The following MARCHF1 variants were observed in gnomAD, a reference collection of about 807,000 sequenced individuals.
The protein encoded by MARCHF1 is membrane associated ring-CH-type finger 1.
Under a neutral mutation model 54.2 loss-of-function variants are expected in MARCHF1, and 40 were observed. The ratio of observed to expected loss-of-function variants is 0.74; its 90% CI spans 0.57 to 0.96. The LOEUF is 0.96. Ranked by LOEUF, MARCHF1 falls within the 40% of genes least tolerant of loss-of-function variation. The probability of loss-of-function intolerance (pLI) is 0.00; values close to 1 mark genes in which losing one functional copy is unlikely to be tolerated. For synonymous variants in MARCHF1, 236 were observed against 236.3 expected (o/e 1.00, Z 0.01); for missense variants, 586 against 656.5 (o/e 0.89, Z 1.17).
rs552657399 is a variant in MARCHF1, at chr4:164,201,460, C to T, written c.-322-89798G>A. On this transcript the variant is annotated intron_variant, in intron 1 of 9. Transcript: ENST00000514618. ...TGGTCTCCATCTCTTGACCTCGTGA[C>T]CCGCCCGCCTGGGACTCCCAAAGTG... Among the ~76,000 whole-genome samples, 3 of 152,184 alleles carry T rather than the reference C, an allele frequency of 2.0e-5. No individual in the cohort carries two copies. The South Asian group carries it at 6.2e-4, about 32-fold the overall frequency.
intron 8 of MARCHF1, among the ~76,000 whole-genome samples, chr4:163,573,439 T>A (rs1424833631): frequency 1.3e-5 from 2 of 149,686 alleles, no homozygotes; most frequent in South Asian, 2.2e-4. Context: ...ATTAGGTATA[T>A]CTCCCAGTGC....
Position 163,585,811 on chromosome 4 carries a change from G to C in MARCHF1, c.1129C>G (p.Arg377Gly). Reference sequence around the variant, plus strand: ...TCATACTTGCAGAGCTCACAGCAGCGTGTATCTGAGCTCTTTATCCACTGG... The same window carrying C: ...TCATACTTGCAGAGCTCACAGCAGCCTGTATCTGAGCTCTTTATCCACTGG... ...LHQWIKSSDT[R>G]CCELCKYDFI... The change falls in exon 8 of 10, where the codon CGC (arginine) becomes GGC (glycine). Residue 377 changes from arginine (R) to glycine (G), a missense_variant. Transcript: ENST00000514618. The C allele has an allele frequency of 6.2e-7, 1 of 1,613,948 alleles. No homozygotes were observed. The highest frequency in any genetic ancestry group is 8.5e-7 in the Non-Finnish European group (1 of 1,179,908).
intron 8 of MARCHF1, among the ~76,000 whole-genome samples, chr4:163,563,751 A>G (rs1739551097): frequency 6.6e-6 from 1 of 152,194 alleles, no homozygotes. Flanking sequence ...GTATGTAACA[A>G]TGCACATACC....
chr4:164,383,840 A>T (rs1196141831), intron 1 of MARCHF1, 30 bp downstream of exon 1: 2 of 152,438 alleles, frequency 1.3e-5, no homozygotes, highest in Non-Finnish European at 2.9e-5. Context: ...AGTGAGGCTG[A>T]TTGAATGAAT....
chr4:163,613,445 T>C (rs1338954337), intron 5 of MARCHF1, 52 bp from the exon 6 acceptor site: 1 of 1,612,708 alleles, frequency 6.2e-7, no homozygotes, highest in African/African-American at 1.3e-5. Flanking sequence ...AATACATGGT[T>C]GATATCTTGC....
intron 3 of MARCHF1, among the ~76,000 whole-genome samples, chr4:163,926,877 G>A (rs1193651388): frequency 6.6e-6 from 1 of 150,852 alleles, no homozygotes; most frequent in East Asian, 1.9e-4. Flanking sequence ...TATTAATTCA[G>A]AGAGTGCTAG....
At chr4:163,568,473 T>C (rs1259111875) in intron 8 of MARCHF1, among the ~76,000 whole-genome samples, 1 of 152,154 alleles carries the variant, frequency 6.6e-6, no homozygotes, top group East Asian at 1.9e-4. Flanking sequence ...ACTGAAGATG[T>C]AGGCTATGTG....
At position 163,612,665 on chromosome 4, in the gene MARCHF1, C is replaced by A. The variant is rs746938866; in HGVS notation, c.616G>T (p.Gly206Ter). The A allele has an allele frequency of 1.1e-5, 17 of 1,535,396 alleles. No homozygotes were observed. In the South Asian group the frequency reaches 2.0e-4, roughly 18 times the overall value. ...ENLAGSSTPN[G>*]IELVDLGSKG... ...GATCCCAGATCAACGAGCTCAATTC[C>A]GTTAGGAGTGGAAGACCCAGCTAAG... The change falls in exon 7 of 10, where the codon GGA becomes TGA. Residue 206 changes from glycine to a stop codon, truncating the protein, a stop_gained. Coordinates refer to ENST00000514618, the MANE Select transcript of MARCHF1 (RefSeq NM_001394959.1). LOFTEE classifies it high-confidence loss of function.
intron 1 of MARCHF1, among the ~76,000 whole-genome samples, chr4:164,227,941 G>A (rs181986584): frequency 6.6e-6 from 1 of 152,096 alleles, no homozygotes; most frequent in East Asian, 1.9e-4. Context: ...TCCCTTTATT[G>A]CTTCCCAGAA....
intron 5 of MARCHF1, among the ~76,000 whole-genome samples, chr4:163,637,383 C>T (rs1162444069): frequency 1.3e-5 from 2 of 151,912 alleles, no homozygotes; most frequent in Admixed American, 1.3e-4. Context: ...CTACAATGAA[C>T]TCAAACAAAT....
intron 5 of MARCHF1, among the ~76,000 whole-genome samples, chr4:163,663,721 T>C (rs529808102): frequency 6.6e-6 from 1 of 152,244 alleles, no homozygotes; most frequent in South Asian, 2.1e-4. Flanking sequence ...ATCTCTTCTA[T>C]GTCTGAAACT....
chr4:163,916,593 A>C (rs778007622), intron 3 of MARCHF1, among the ~76,000 whole-genome samples: 1 of 152,132 alleles, frequency 6.6e-6, no homozygotes, highest in South Asian at 2.1e-4. Context: ...CTAGGCTCTG[A>C]GAAACACACC....
chr4:164,281,804 G>T, intron 1 of MARCHF1, among the ~76,000 whole-genome samples: 1 of 152,186 alleles, frequency 6.6e-6, no homozygotes, highest in East Asian at 1.9e-4. Flanking sequence ...CTACCATTCA[G>T]GCTGCACATC....
At chr4:164,110,072 T>G (rs1171667053) in intron 2 of MARCHF1, among the ~76,000 whole-genome samples, 1 of 151,308 alleles carries the variant, frequency 6.6e-6, no homozygotes, top group African/African-American at 2.4e-5. Context: ...ATTTTTAAGT[T>G]TTAATGTTGT....
chr4:163,647,167 G>A (rs544700959), intron 5 of MARCHF1, among the ~76,000 whole-genome samples: 1 of 152,058 alleles, frequency 6.6e-6, no homozygotes, highest in South Asian at 2.1e-4. Context: ...GACAAAGAAG[G>A]TCACTATATA....
At chr4:163,593,354 A>T (rs1297277156) in intron 7 of MARCHF1, among the ~76,000 whole-genome samples, 1 of 152,244 alleles carries the variant, frequency 6.6e-6, no homozygotes, top group Non-Finnish European at 1.5e-5. Flanking sequence ...TTAGCTGCAT[A>T]CATTGAAGTA....
intron 2 of MARCHF1, among the ~76,000 whole-genome samples, chr4:164,063,182 T>C (rs1207670613): frequency 2.6e-5 from 4 of 152,212 alleles, no homozygotes; most frequent in African/African-American, 4.8e-5. Flanking sequence ...AAATAAGCAT[T>C]GGCTTCAATT....
intron 1 of MARCHF1, among the ~76,000 whole-genome samples, chr4:164,202,693 G>A (rs574439576): frequency 1.8e-3 from 277 of 152,238 alleles, no homozygotes; most frequent in African/African-American, 4.6e-3. Flanking sequence ...ACGCCTTGCT[G>A]CTTTATAATT....
chr4:163,529,548 G>T (rs1269287126), intron 9 of MARCHF1, among the ~76,000 whole-genome samples: 1 of 152,012 alleles, frequency 6.6e-6, no homozygotes, highest in African/African-American at 2.4e-5. Context: ...GGGAGATGGG[G>T]AGGAGTAAGA....
Sources: allele counts gnomAD v4.1 joint callset (sites outside exome capture counted in the v4.1 genomes callset), GRCh38; gene constraint gnomAD v4.1.1; transcripts MANE v1.5; gene names NCBI Gene and HGNC (gene_info 2026-07-23, HGNC 2026-07-21).